MEGF11: variants seen among roughly 807,000 people sequenced by gnomAD.
The protein encoded by MEGF11 is multiple EGF like domains 11, also known as multiple epidermal growth factor-like domains protein 11.
Under a neutral mutation model 146.6 loss-of-function variants are expected in MEGF11, and 126 were observed. That is an observed-to-expected ratio of 0.86 (90% CI 0.74 to 1.00). The LOEUF is 1.00. Among genes scored for constraint, MEGF11 ranks in the 50% least tolerant of loss-of-function variants. The pLI, the probability that MEGF11 is intolerant of heterozygous loss-of-function variation, is 0.00. For synonymous variants in MEGF11, 532 were observed against 583.4 expected (o/e 0.91, Z 1.27); for missense variants, 1,509 against 1,521.2 (o/e 0.99, Z 0.13).
At chr15:66,171,411 G>A (rs2090251959) in intron 1 of MEGF11, among the ~76,000 whole-genome samples, 1 of 150,890 alleles carries the variant, frequency 6.6e-6, no homozygotes, top group Non-Finnish European at 1.5e-5. Context: ...GCAGACGGAG[G>A]ATGATGAAAA....
chr15:66,246,574 G>A (rs1181253040), intron 1 of MEGF11, among the ~76,000 whole-genome samples: 1 of 152,056 alleles, frequency 6.6e-6, no homozygotes, highest in African/African-American at 2.4e-5. Context: ...AGGCTGAGGT[G>A]GGTGCATTGC....
chr15:66,043,075 C>T (rs984566366), intron 5 of MEGF11, among the ~76,000 whole-genome samples: 4 of 152,330 alleles, frequency 2.6e-5, no homozygotes, highest in East Asian at 1.9e-4. Context: ...GCAAACAAGG[C>T]GGGCTGGGGC....
chr15:66,009,078 C>T (rs971856810), intron 5 of MEGF11, among the ~76,000 whole-genome samples: 1 of 152,132 alleles, frequency 6.6e-6, no homozygotes, highest in South Asian at 2.1e-4. Context: ...ATCCCTGGTT[C>T]GTTGGAGTCT....
At chr15:66,074,022 G>C (rs889209295) in intron 5 of MEGF11, among the ~76,000 whole-genome samples, 19 of 152,120 alleles carry the variant, frequency 1.2e-4, no homozygotes, top group African/African-American at 3.6e-4. Context: ...CCATCAAACA[G>C]ATCTTAACAT....
intron 1 of MEGF11, among the ~76,000 whole-genome samples, chr15:66,146,332 A>ACT (rs1260330390): frequency 6.6e-6 from 1 of 151,900 alleles, no homozygotes; most frequent in Non-Finnish European, 1.5e-5. Context: ...GCTGCAAGGG[A>ACT]CTCTCTCTCC....
intron 1 of MEGF11, among the ~76,000 whole-genome samples, chr15:66,162,445 G>C (rs1416824154): frequency 6.6e-6 from 1 of 152,090 alleles, no homozygotes; most frequent in African/African-American, 2.4e-5. Flanking sequence ...GTTGCTTTAG[G>C]AATATTATGC....
chr15:65,911,983 C>T, intron 21 of MEGF11, 99 bp downstream of exon 21: 1 of 559,390 alleles, frequency 1.8e-6, no homozygotes, highest in Non-Finnish European at 2.7e-6. Flanking sequence ...TCTACATGGA[C>T]CCTCCATGTG....
chr15:66,124,052 C>T (rs911122560), intron 2 of MEGF11, 52 bp from the exon 3 acceptor site: 37 of 1,454,200 alleles, frequency 2.5e-5, no homozygotes, highest in Middle Eastern at 1.7e-4. Flanking sequence ...GGAAGCTGAG[C>T]TGATATTCCG....
intron 1 of MEGF11, among the ~76,000 whole-genome samples, chr15:66,239,407 C>G (rs548147206): frequency 6.6e-6 from 1 of 152,216 alleles, no homozygotes; most frequent in Non-Finnish European, 1.5e-5. Flanking sequence ...GCTCAAGAAC[C>G]ACTGATGACT....
In MEGF11 at chr15:65,949,698, C is replaced by A. The variant is rs143696639; in HGVS notation, c.1287+7849G>T. Among the ~76,000 whole-genome samples the A allele has an allele frequency of 6.6e-5, 10 of 152,280 alleles. No individual in the cohort carries two copies. The South Asian group carries it at 2.1e-3, about 32-fold the overall frequency. ...ATCTTCCAGACACGCAGGACCCATG[C>A]GGGAGGAGGCAGCCGGAAGGGGGTC... On this transcript the variant is annotated intron_variant, in intron 10 of 25. Coordinates refer to ENST00000395614, the MANE Select transcript of MEGF11 (RefSeq NM_001385028.1).
At position 65,909,116 on chromosome 15, in the gene MEGF11, A is replaced by G. The variant is rs2141174870; in HGVS notation, c.2916T>C (p.Ser972=). ...VNVLDSHFQI[S]ALEARYPPED... The stretch of plus-strand genomic sequence containing the variant: ...CGGGCGGGTACCTGGCCTCCAGGGC[A>G]CTGATCTGGAAATGGGAGTCTAGTG... Residue 972 remains serine (S), a synonymous_variant, in exon 23 of 26, where the codon AGT becomes AGC. Coordinates refer to ENST00000395614, the MANE Select transcript of MEGF11 (RefSeq NM_001385028.1). 15 of 1,535,420 alleles carry G rather than the reference A, an allele frequency of 9.8e-6. No homozygotes were observed. Among genetic ancestry groups the G allele is most frequent in the Non-Finnish European group, 1.3e-5 (15 of 1,146,398 alleles).
intron 23 of MEGF11, 97 bp downstream of exon 23, chr15:65,908,937 G>A (rs1387769163): frequency 1.4e-6 from 1 of 721,098 alleles, no homozygotes. Flanking sequence ...AGAGTTCTGG[G>A]ACCACAGGGT....
At chr15:65,935,103 G>A (rs1291685495) in intron 10 of MEGF11, among the ~76,000 whole-genome samples, 3 of 151,810 alleles carry the variant, frequency 2.0e-5, no homozygotes, top group South Asian at 2.1e-4. Context: ...GGCGGATCAC[G>A]ATGTCAGGAG....
intron 1 of MEGF11, among the ~76,000 whole-genome samples, chr15:66,242,504 AG>A (rs1274858643): frequency 1.9e-4 from 8 of 41,286 alleles, no homozygotes; most frequent in Non-Finnish European, 2.8e-4. Context: ...GGAGGGAGGG[AG>A]GGAAGGGAGG....
In MEGF11 at chr15:66,214,431, G is replaced by A. The variant is rs923070534; in HGVS notation, c.-9+39174C>T. On this transcript the variant is annotated intron_variant, in intron 1 of 25. Transcript: ENST00000395614. ...TCCCAGTTCTGGTCCTCATGCTGCA[G>A]GGGAAATGACTCTCACGATGTGATC... Among the ~76,000 whole-genome samples, 6 of 152,294 alleles carry A rather than the reference G, an allele frequency of 3.9e-5. No homozygotes were observed. The East Asian group carries it at 1.2e-3, about 29-fold the overall frequency.
chr15:66,134,106 A>G (rs2088779869), intron 1 of MEGF11, among the ~76,000 whole-genome samples: 1 of 152,084 alleles, frequency 6.6e-6, no homozygotes, highest in Non-Finnish European at 1.5e-5. Flanking sequence ...TGTCCCCTGC[A>G]CTCTCAAGCC....
At chr15:65,936,509 A>G (rs1398959960) in intron 10 of MEGF11, among the ~76,000 whole-genome samples, 1 of 152,182 alleles carries the variant, frequency 6.6e-6, no homozygotes, top group East Asian at 1.9e-4. Flanking sequence ...ATGCCAGGCA[A>G]TTCAGCAAAT....
intron 1 of MEGF11, among the ~76,000 whole-genome samples, chr15:66,167,370 G>A (rs777265647): frequency 6.6e-6 from 1 of 151,262 alleles, no homozygotes; most frequent in African/African-American, 2.4e-5. Flanking sequence ...GGCTGGGCAC[G>A]GTGGCTCACA....
intron 5 of MEGF11, among the ~76,000 whole-genome samples, chr15:66,033,707 G>A (rs984564426): frequency 6.6e-6 from 1 of 152,274 alleles, no homozygotes. Flanking sequence ...CAGACTGCAA[G>A]ACACGGAGTC....
Sources: allele counts gnomAD v4.1 joint callset (sites outside exome capture counted in the v4.1 genomes callset), GRCh38; gene constraint gnomAD v4.1.1; transcripts MANE v1.5; gene names NCBI Gene and HGNC (gene_info 2026-07-23, HGNC 2026-07-21).